KCNB2: variants seen among roughly 807,000 people sequenced by gnomAD.
The protein encoded by KCNB2 is delayed rectifier potassium channel protein.
KCNB2 carries 15 observed loss-of-function variants against 61.5 expected under a neutral mutation model. The observed-to-expected ratio is 0.24, with a 90% CI of 0.16 to 0.38. KCNB2 has a LOEUF of 0.38. Among genes scored for constraint, KCNB2 ranks in the 10% least tolerant of loss-of-function variants. The pLI, the probability that KCNB2 is intolerant of heterozygous loss-of-function variation, is 1.00. For missense variants in KCNB2, 828 were observed against 1,125.2 expected (o/e 0.74, Z 3.78); for synonymous variants, 457 against 446.0 (o/e 1.02, Z -0.31).
intron 2 of KCNB2, among the ~76,000 whole-genome samples, chr8:72,812,175 T>C (rs1809318599): frequency 1.3e-5 from 2 of 151,634 alleles, no homozygotes; most frequent in South Asian, 4.2e-4. Flanking sequence ...GGGAGGAGAA[T>C]TGCTTAAACC....
chr8:72,780,985 CT>C (rs1808743527), intron 2 of KCNB2, among the ~76,000 whole-genome samples: 1 of 152,058 alleles, frequency 6.6e-6, no homozygotes, highest in South Asian at 2.1e-4. Flanking sequence ...TGATGCTGAG[CT>C]TTTTTTCATA....
intron 2 of KCNB2, among the ~76,000 whole-genome samples, chr8:72,777,043 G>C (rs918688528): frequency 3.3e-5 from 5 of 152,156 alleles, no homozygotes; most frequent in Admixed American, 6.5e-5. Context: ...TCATCTTAAA[G>C]CAAAGAAGAT....
intron 2 of KCNB2, among the ~76,000 whole-genome samples, chr8:72,675,597 C>T (rs1806640672): frequency 1.3e-5 from 2 of 151,858 alleles, no homozygotes; most frequent in African/African-American, 4.8e-5. Flanking sequence ...ACTGCAACCT[C>T]CGCTTCCTGG....
chr8:72,894,013 C>T (rs1354082408), intron 2 of KCNB2, among the ~76,000 whole-genome samples: 1 of 152,186 alleles, frequency 6.6e-6, no homozygotes, highest in African/African-American at 2.4e-5. Context: ...CACAGTGATA[C>T]TTTCTTTGCT....
At chr8:72,895,044 G>A (rs1301006350) in intron 2 of KCNB2, among the ~76,000 whole-genome samples, 1 of 152,090 alleles carries the variant, frequency 6.6e-6, no homozygotes, top group East Asian at 1.9e-4. Flanking sequence ...TTGGGAAAAT[G>A]GATCAACAGT....
At chr8:72,701,308 G>T (rs1807121352) in intron 2 of KCNB2, among the ~76,000 whole-genome samples, 1 of 152,128 alleles carries the variant, frequency 6.6e-6, no homozygotes, top group South Asian at 2.1e-4. Context: ...GGCACTGTTG[G>T]TTACACATTT....
At chr8:72,695,944 T>C (rs1325704568) in intron 2 of KCNB2, among the ~76,000 whole-genome samples, 1 of 152,166 alleles carries the variant, frequency 6.6e-6, no homozygotes, top group Non-Finnish European at 1.5e-5. Flanking sequence ...CACATCAAAT[T>C]AGTAACAGAG....
At chr8:72,696,722 A>G (rs1807024040) in intron 2 of KCNB2, among the ~76,000 whole-genome samples, 1 of 152,202 alleles carries the variant, frequency 6.6e-6, no homozygotes, top group African/African-American at 2.4e-5. Context: ...GGTTTTCTGT[A>G]TAAATCATTC....
chr8:72,823,414 A>G (rs565301633), intron 2 of KCNB2, among the ~76,000 whole-genome samples: 1 of 152,254 alleles, frequency 6.6e-6, no homozygotes, highest in Non-Finnish European at 1.5e-5. Context: ...GTGCACAGAC[A>G]CTGTCTCCCA....
In KCNB2 at chr8:72,636,863, G is replaced by A. The variant is rs150876240; in HGVS notation, c.579+68550G>A. Among the ~76,000 whole-genome samples, 216 of 152,186 alleles carry A rather than the reference G, an allele frequency of 1.4e-3. 1 individual carries two copies. Among genetic ancestry groups the A allele is most frequent in the African/African-American group, 5.0e-3 (207 of 41,524 alleles). On this transcript the variant is annotated intron_variant, in intron 2 of 2. Coordinates refer to ENST00000523207, the MANE Select transcript of KCNB2 (RefSeq NM_004770.3). ...GAAAAACAAACAGCCATAAAAGTCCGATATTGGCCCATTTCTGCCACCAAC... is the reference window on the plus strand; with the variant it reads ...GAAAAACAAACAGCCATAAAAGTCCAATATTGGCCCATTTCTGCCACCAAC...
chr8:72,537,917 G>T (rs541219232), intron 1 of KCNB2, 32 bp downstream of exon 1: 2 of 152,534 alleles, frequency 1.3e-5, no homozygotes, highest in South Asian at 4.1e-4. Flanking sequence ...GCTCCCCGAA[G>T]GGGGTCTTCC....
chr8:72,709,874 C>G (rs560436886), intron 2 of KCNB2, among the ~76,000 whole-genome samples: 2 of 152,106 alleles, frequency 1.3e-5, no homozygotes, highest in African/African-American at 4.8e-5. Flanking sequence ...ACTATGTACC[C>G]GAATGTACAG....
At chr8:72,574,080 C>G (rs1806759391) in intron 2 of KCNB2, among the ~76,000 whole-genome samples, 1 of 152,108 alleles carries the variant, frequency 6.6e-6, no homozygotes, top group Non-Finnish European at 1.5e-5. Context: ...AATGTATCAT[C>G]CATGAAGACT....
intron 2 of KCNB2, among the ~76,000 whole-genome samples, chr8:72,733,015 T>A (rs1585859373): frequency 6.7e-6 from 1 of 149,256 alleles, no homozygotes; most frequent in Non-Finnish European, 1.5e-5. Context: ...AACAGATAAA[T>A]GCATGAAAAG....
Position 72,937,809 on chromosome 8 carries a change from C to T in KCNB2, c.2454C>T (p.Leu818=). The T allele has an allele frequency of 6.2e-7, 1 of 1,614,008 alleles. No individual in the cohort carries two copies. The highest frequency in any genetic ancestry group is 1.1e-5 in the South Asian group (1 of 91,078). The change falls in exon 3 of 3, where the codon CTC becomes CTT. Residue 818 remains leucine (L), a synonymous_variant. Coordinates refer to ENST00000523207, the MANE Select transcript of KCNB2 (RefSeq NM_004770.3). The part of the protein sequence containing the change: ...DTGDDEDFLE[L]PGAREEKQVD... ...GTGACGACGAAGACTTCTTAGAGCTCCCAGGGGCAAGGGAGGAGAAGCAGG... is the reference window on the plus strand; with the variant it reads ...GTGACGACGAAGACTTCTTAGAGCTTCCAGGGGCAAGGGAGGAGAAGCAGG...
intron 2 of KCNB2, among the ~76,000 whole-genome samples, chr8:72,911,453 G>A (rs539262342): frequency 6.6e-6 from 1 of 152,318 alleles, no homozygotes; most frequent in Non-Finnish European, 1.5e-5. Context: ...ACCATTCAAA[G>A]CCTTTCACCT....
At position 72,634,342 on chromosome 8, in the gene KCNB2, T is replaced by G. The variant is rs542238252; in HGVS notation, c.579+66029T>G. Among the ~76,000 whole-genome samples, 3 of 152,284 alleles carry G rather than the reference T, an allele frequency of 2.0e-5. No individual in the cohort carries two copies. In the South Asian group the frequency reaches 6.2e-4, roughly 32 times the overall value. On this transcript the variant is annotated intron_variant, in intron 2 of 2. Coordinates refer to ENST00000523207, the MANE Select transcript of KCNB2 (RefSeq NM_004770.3). Reference sequence around the variant, plus strand: ...TAGGATTTCTTAAACACTAACATGCTCATGAATCGCCTAAGATCTTAACAT... The same window carrying G: ...TAGGATTTCTTAAACACTAACATGCGCATGAATCGCCTAAGATCTTAACAT...
rs112308031 is a variant in KCNB2, at chr8:72,542,852, C to T, written c.-94+4967C>T. Among the ~76,000 whole-genome samples the T allele has an allele frequency of 4.2e-3, 637 of 152,268 alleles. 10 individuals carry two copies. Among genetic ancestry groups the T allele is most frequent in the African/African-American group, 0.014 (602 of 41,554 alleles). Reference sequence around the variant, plus strand: ...GTAGTTCATCCTAAAGGTATCTACTCAGCTTCTGTGTGCCAAGTCCTAAGC... The same window carrying T: ...GTAGTTCATCCTAAAGGTATCTACTTAGCTTCTGTGTGCCAAGTCCTAAGC... On this transcript the variant is annotated intron_variant, in intron 1 of 2. Transcript: ENST00000523207.
At chr8:72,634,734 A>G (rs1805937889) in intron 2 of KCNB2, among the ~76,000 whole-genome samples, 1 of 152,204 alleles carries the variant, frequency 6.6e-6, no homozygotes, top group Non-Finnish European at 1.5e-5. Flanking sequence ...AGAATAATGT[A>G]ATTTAAAGTG....
Sources: allele counts gnomAD v4.1 joint callset (sites outside exome capture counted in the v4.1 genomes callset), GRCh38; gene constraint gnomAD v4.1.1; transcripts MANE v1.5; gene names NCBI Gene and HGNC (gene_info 2026-07-23, HGNC 2026-07-21).